OR5AN1: variants seen among roughly 807,000 people sequenced by gnomAD.
The protein encoded by OR5AN1 is olfactory receptor 5AN1.
For synonymous variants in OR5AN1, 167 were observed against 131.8 expected (o/e 1.27, Z -1.83); for missense variants, 476 against 368.9 (o/e 1.29, Z -2.38).
rs1857515688 is a variant in OR5AN1, at chr11:59,365,237, A to C, written c.779A>C (p.Tyr260Ser). Residue 260 changes from tyrosine (Y) to serine (S), a missense_variant, in exon 2 of 2, where the codon TAT becomes TCT. Tyr to Ser is a moderately radical substitution (Grantham distance 144, BLOSUM62 -2). Coordinates refer to ENST00000641998, the MANE Select transcript of OR5AN1 (RefSeq NM_001004729.2). ...TTCTATACATCAGGAATCTTTGTCT[A>C]TTTGAGTTCCAGCTCTGGAGGTTCT... Reference protein sequence around the residue: ...SLFYTSGIFVYLSSSSGGSSS... With the variant: ...SLFYTSGIFVSLSSSSGGSSS... 1.2e-6 allele frequency: 2 copies of C among 1,614,066 alleles called. No homozygotes were observed. The highest frequency in any genetic ancestry group is 1.7e-6 in the Non-Finnish European group (2 of 1,179,984).
chr11:59,364,936 C>A lies in OR5AN1; in HGVS notation c.478C>A (p.Gln160Lys), dbSNP rs1278701639. ...YMTGLTASLF[Q>K]IGALLQLHFC... ...GACTGGCCTCACTGCTTCTTTATTCCAAATTGGTGCTTTGCTTCAACTCCA... is the reference window on the plus strand; with the variant it reads ...GACTGGCCTCACTGCTTCTTTATTCAAAATTGGTGCTTTGCTTCAACTCCA... The change falls in exon 2 of 2, where the codon CAA becomes AAA. Residue 160 changes from glutamine (Q) to lysine (K), a missense_variant. Physicochemically the swap from Gln to Lys is moderately conservative, Grantham distance 53 (BLOSUM62 1). Transcript: ENST00000641998. 6.2e-7 allele frequency: 1 copy of A among 1,613,928 alleles called. No homozygotes were observed. The highest frequency in any genetic ancestry group is 8.5e-7 in the Non-Finnish European group (1 of 1,179,980).
intron 1 of OR5AN1, chr11:59,359,990 G>A (rs948811272): frequency 5.3e-5 from 8 of 152,070 alleles, no homozygotes; most frequent in Non-Finnish European, 1.0e-4. Flanking sequence ...TTTCCTATGC[G>A]AATTGTCTCA....
At chr11:59,359,425 A>G (rs1000508182) in intron 1 of OR5AN1, 153 bp downstream of exon 1, 2 of 152,170 alleles carry the variant, frequency 1.3e-5, no homozygotes, top group Admixed American at 1.3e-4. Flanking sequence ...TGCATCAAAA[A>G]TAGTAATTTA....
chr11:59,361,822 C>T (rs1452684975), intron 1 of OR5AN1, among the ~76,000 whole-genome samples: 2 of 152,050 alleles, frequency 1.3e-5, no homozygotes, highest in South Asian at 2.1e-4. Flanking sequence ...CTTTCTCCAC[C>T]CTATTAATGA....
rs1262845036 is a variant in OR5AN1, at chr11:59,370,099, A to G, written c.*4705A>G. ...TACCACCAGACCTGCCTTACAAGAG[A>G]TCTTGAAAGGAGCAGTAAATATAGA... On this transcript the variant is annotated 3_prime_UTR_variant, in exon 2 of 2. Coordinates refer to ENST00000641998, the MANE Select transcript of OR5AN1 (RefSeq NM_001004729.2). The G allele has an allele frequency of 6.6e-6, 1 of 152,214 alleles. No homozygotes were observed. The allele number at this position is 152,214 out of a possible 1,614,324, so 9.4% of individuals were successfully genotyped here. A position where few individuals can be genotyped will look rare whatever the true frequency, so the allele number is the denominator to read the frequency against.
rs115089921 is a variant in OR5AN1, at chr11:59,365,198, C to A, written c.740C>A (p.Thr247Lys). The change falls in exon 2 of 2, where the codon ACA becomes AAA. Residue 247 changes from threonine (T) to lysine (K), a missense_variant. By Grantham distance (78) the Thr-to-Lys change is moderately conservative. Coordinates refer to ENST00000641998, the MANE Select transcript of OR5AN1 (RefSeq NM_001004729.2). ...TTCAACACCTGTGCTTCTCATCTAA[C>A]AGCTGTTTCCCTCTTCTATACATCA... Reference protein sequence around the residue: ...KAFNTCASHLTAVSLFYTSGI... With the variant: ...KAFNTCASHLKAVSLFYTSGI... The A allele has an allele frequency of 1.1e-3, 1,780 of 1,614,030 alleles. 20 individuals are homozygous for A. The African/African-American group carries it at 0.02, about 18-fold the overall frequency.
Position 59,367,503 on chromosome 11 carries a change from G to A in OR5AN1, c.*2109G>A, listed in dbSNP as rs189513054. On this transcript the variant is annotated 3_prime_UTR_variant, in exon 2 of 2. Coordinates refer to ENST00000641998, the MANE Select transcript of OR5AN1 (RefSeq NM_001004729.2). ...GGGGTGTTAACAGCAACAACCCACA[G>A]GCCCCACTTCCATGCCACCTCACAA... is the stretch of plus-strand genomic sequence containing the variant. The A allele has an allele frequency of 2.0e-5, 3 of 152,344 alleles. No homozygotes were observed. The East Asian group carries it at 5.8e-4, about 29-fold the overall frequency. 9.4% of individuals were successfully genotyped at this position (152,344 alleles called of 1,614,324 possible). A position where few individuals can be genotyped will look rare whatever the true frequency, so the allele number is the denominator to read the frequency against.
rs1365538644 is a variant in OR5AN1 at position 59,365,005 on chromosome 11, C to A, written c.547C>A (p.Pro183Thr). ...CATCAGACATTTCTTCTGTGACATGCCCCAACTGTTAATCTTGTCCTGTAC... is the reference window on the plus strand; with the variant it reads ...CATCAGACATTTCTTCTGTGACATGACCCAACTGTTAATCTTGTCCTGTAC... ...NVIRHFFCDM[P>T]QLLILSCTDT... The change falls in exon 2 of 2, where the codon CCC becomes ACC. Residue 183 changes from proline to threonine, a missense_variant. By Grantham distance (38) the Pro-to-Thr change is conservative. Coordinates refer to ENST00000641998, the MANE Select transcript of OR5AN1 (RefSeq NM_001004729.2). 6.2e-6 allele frequency: 10 copies of A among 1,613,990 alleles called. No individual in the cohort carries two copies. The Admixed American group carries it at 1.7e-4, about 27-fold the overall frequency.
chr11:59,369,500 A>G lies in OR5AN1; in HGVS notation c.*4106A>G, dbSNP rs994325239. The G allele has an allele frequency of 6.6e-6, 1 of 152,204 alleles. No individual in the cohort carries two copies. Among genetic ancestry groups the G allele is most frequent in the Non-Finnish European group, 1.5e-5 (1 of 68,034 alleles). The allele number at this position is 152,204 out of a possible 1,614,324, so 9.4% of individuals were successfully genotyped here. ...AATCAAAAGTATTAAGAGCAGAATA[A>G]ACCAAGCTGAGGAAACAATCTCAGA... On this transcript the variant is annotated 3_prime_UTR_variant, in exon 2 of 2. Coordinates refer to ENST00000641998, the MANE Select transcript of OR5AN1 (RefSeq NM_001004729.2).
intron 1 of OR5AN1, among the ~76,000 whole-genome samples, chr11:59,362,556 G>T (rs1857475864): frequency 6.6e-6 from 1 of 152,110 alleles, no homozygotes; most frequent in African/African-American, 2.4e-5. Context: ...ATTATTATAA[G>T]AATAATGAAT....
rs1006209272 is a variant in OR5AN1 at position 59,370,987 on chromosome 11, G to C, written c.*5593G>C. The C allele has an allele frequency of 1.3e-5, 2 of 152,132 alleles. No individual in the cohort carries two copies. Among genetic ancestry groups the C allele is most frequent in the African/African-American group, 2.4e-5 (1 of 41,396 alleles). The allele number at this position is 152,132 out of a possible 1,614,324, so 9.4% of individuals were successfully genotyped here. On this transcript the variant is annotated 3_prime_UTR_variant, in exon 2 of 2. Transcript: ENST00000641998. ...ATAGCTCTAGGCTGTTATCTTGTAG[G>C]CTTTTTCTTTTCACATGTCCATGTG...
intron 1 of OR5AN1, among the ~76,000 whole-genome samples, chr11:59,360,298 G>A (rs573250926): frequency 6.6e-6 from 1 of 152,300 alleles, no homozygotes; most frequent in East Asian, 1.9e-4. Flanking sequence ...TTATATTCAT[G>A]TTTGGGGGAT....
rs1164805525 is a variant in OR5AN1, at chr11:59,368,248, A to G, written c.*2854A>G. On this transcript the variant is annotated 3_prime_UTR_variant, in exon 2 of 2. Coordinates refer to ENST00000641998, the MANE Select transcript of OR5AN1 (RefSeq NM_001004729.2). ...CCAGGTACTGGAGCAGCCCCCAAGCATAAAACAGCAGCCCTATGGAAAAGT... is the reference window on the plus strand; with the variant it reads ...CCAGGTACTGGAGCAGCCCCCAAGCGTAAAACAGCAGCCCTATGGAAAAGT... 1.3e-5 allele frequency: 2 copies of G among 152,320 alleles called. No individual in the cohort carries two copies. Among genetic ancestry groups the G allele is most frequent in the Admixed American group, 1.3e-4 (2 of 15,288 alleles). The allele number at this position is 152,320 out of a possible 1,614,324, so 9.4% of individuals were successfully genotyped here. A position where few individuals can be genotyped will look rare whatever the true frequency, so the allele number is the denominator to read the frequency against.
chr11:59,363,589 G>T (rs767753112), intron 1 of OR5AN1, among the ~76,000 whole-genome samples: 1 of 152,080 alleles, frequency 6.6e-6, no homozygotes, highest in Non-Finnish European at 1.5e-5. Context: ...GGCCAGTTTG[G>T]ATATGTTATA....
intron 1 of OR5AN1, among the ~76,000 whole-genome samples, chr11:59,361,353 T>A (rs1054681666): frequency 3.3e-5 from 5 of 152,080 alleles, no homozygotes; most frequent in African/African-American, 9.7e-5. Flanking sequence ...ACAATCTCGG[T>A]TCACTGCAAC....
intron 1 of OR5AN1, among the ~76,000 whole-genome samples, chr11:59,363,162 T>G (rs1030987457): frequency 9.2e-5 from 14 of 152,234 alleles, no homozygotes; most frequent in African/African-American, 3.4e-4. Flanking sequence ...AAGCAGTCCA[T>G]GATAACAATA....
chr11:59,362,423 C>T (rs1410552585), intron 1 of OR5AN1, among the ~76,000 whole-genome samples: 1 of 152,154 alleles, frequency 6.6e-6, no homozygotes, highest in East Asian at 1.9e-4. Context: ...TGAGGCAGGT[C>T]TCACAGACCA....
At chr11:59,360,962 A>G (rs909541113) in intron 1 of OR5AN1, among the ~76,000 whole-genome samples, 1 of 152,212 alleles carries the variant, frequency 6.6e-6, no homozygotes, top group Non-Finnish European at 1.5e-5. Flanking sequence ...TAGTATATAC[A>G]ATGCTTAGCA....
At position 59,363,589 on chromosome 11, in the gene OR5AN1, GAT is replaced by G. The variant is rs1857488895; in HGVS notation, c.-13-854_-13-853del. Among the ~76,000 whole-genome samples, 8 of 152,198 alleles carry G rather than the reference GAT, an allele frequency of 5.3e-5. No individual in the cohort carries two copies. In the South Asian group the frequency reaches 1.7e-3, roughly 32 times the overall value. ...TGATATTATTGTTAAGGCCAGTTTG[GAT>G]ATGTTATATTAAATACATTTTTATT... On this transcript the variant is annotated intron_variant, in intron 1 of 1. Transcript: ENST00000641998.
Sources: allele counts gnomAD v4.1 joint callset (sites outside exome capture counted in the v4.1 genomes callset), GRCh38; gene constraint gnomAD v4.1.1; transcripts MANE v1.5; gene names NCBI Gene and HGNC (gene_info 2026-07-23, HGNC 2026-07-21).